The following KCNN3 variants were observed in gnomAD, a reference collection of about 807,000 sequenced individuals.
KCNN3 encodes small conductance calcium-activated potassium channel protein 3.
Under a neutral mutation model 62.9 loss-of-function variants are expected in KCNN3, and 16 were observed. The ratio of observed to expected loss-of-function variants is 0.25; its 90% CI spans 0.17 to 0.39. The LOEUF (loss-of-function observed/expected upper bound fraction) is 0.39, where lower values mean the gene tolerates loss of function less well. KCNN3 is among the 10% of genes least tolerant of loss of function. KCNN3 has a pLI of 1.00. For missense variants in KCNN3, 599 were observed against 949.4 expected, an observed-to-expected ratio of 0.63 and a Z score of 4.85; for synonymous variants, 370 against 389.2, an observed-to-expected ratio of 0.95 and a Z score of 0.58.
Position 154,707,923 on chromosome 1 carries a change from T to G in KCNN3, c.*53A>C. 2 of 1,565,116 alleles carry G rather than the reference T, an allele frequency of 1.3e-6. No individual in the cohort carries two copies. Among genetic ancestry groups the G allele is most frequent in the Non-Finnish European group, 1.7e-6 (2 of 1,148,142 alleles). ...TGATGGCAAAGCGACCAGGAGAGAG[T>G]TGATTTGCATCTTAAGACCTATGGG... is the stretch of plus-strand genomic sequence containing the variant. On this transcript the variant is annotated 3_prime_UTR_variant, in exon 8 of 8. Transcript: ENST00000271915.
At chr1:154,767,477 A>T (rs1420554001) in intron 3 of KCNN3, among the ~76,000 whole-genome samples, 1 of 152,214 alleles carries the variant, frequency 6.6e-6, no homozygotes, top group Non-Finnish European at 1.5e-5. Flanking sequence ...CATCAATGTT[A>T]TGGGAGGCCT....
chr1:154,761,328 C>T (rs755983767), intron 3 of KCNN3, among the ~76,000 whole-genome samples: 3 of 152,138 alleles, frequency 2.0e-5, no homozygotes, highest in Non-Finnish European at 4.4e-5. Context: ...ATTAGCCGGG[C>T]ATGGTGGCGC....
At chr1:154,811,327 G>T (rs1365506705) in intron 2 of KCNN3, among the ~76,000 whole-genome samples, 1 of 152,124 alleles carries the variant, frequency 6.6e-6, no homozygotes, top group Non-Finnish European at 1.5e-5. Flanking sequence ...TTCTGGAGAT[G>T]GATGGTGGTG....
intron 1 of KCNN3, among the ~76,000 whole-genome samples, chr1:154,857,272 C>T (rs74116207): frequency 0.01 from 1,552 of 152,338 alleles, 24 homozygotes; most frequent in African/African-American, 0.033. Flanking sequence ...AGCCGAGAAG[C>T]CACAGAGCTG....
At chr1:154,713,561 C>A in intron 6 of KCNN3, 28 bp from the exon 7 acceptor site, 1 of 1,588,846 alleles carries the variant, frequency 6.3e-7, no homozygotes, top group Non-Finnish European at 8.6e-7. Flanking sequence ...AACAGGCAAG[C>A]CCTTCAAGTC....
chr1:154,822,220 C>G, intron 1 of KCNN3, 36 bp from the exon 2 acceptor site: 1 of 1,458,426 alleles, frequency 6.9e-7, no homozygotes, highest in South Asian at 1.1e-5. Flanking sequence ...TTAGGGAGTG[C>G]GGGGAAAGGA....
intron 3 of KCNN3, among the ~76,000 whole-genome samples, chr1:154,750,272 G>A (rs2101812692): frequency 6.6e-6 from 1 of 152,364 alleles, no homozygotes; most frequent in Admixed American, 6.5e-5. Flanking sequence ...GCGGCTGGAA[G>A]GGAAGGCTCC....
intron 3 of KCNN3, among the ~76,000 whole-genome samples, chr1:154,744,545 A>C (rs774685587): frequency 1.3e-4 from 20 of 152,208 alleles, no homozygotes; most frequent in Non-Finnish European, 2.4e-4. Flanking sequence ...GATGGCCGGG[A>C]GGCTCTGTAT....
chr1:154,814,902 G>A (rs1435589619), intron 2 of KCNN3, among the ~76,000 whole-genome samples: 1 of 152,206 alleles, frequency 6.6e-6, no homozygotes, highest in Non-Finnish European at 1.5e-5. Flanking sequence ...ACCAGTCGCT[G>A]TTCTCTGGAA....
intron 1 of KCNN3, among the ~76,000 whole-genome samples, chr1:154,828,640 C>T (rs1369946016): frequency 6.6e-6 from 1 of 152,220 alleles, no homozygotes; most frequent in Non-Finnish European, 1.5e-5. Context: ...TCTCTGCAAA[C>T]AAGAACTACC....
chr1:154,715,037 G>T, intron 5 of KCNN3, 34 bp from the exon 6 acceptor site: 1 of 1,612,456 alleles, frequency 6.2e-7, no homozygotes, highest in South Asian at 1.1e-5. Context: ...GCTGCTATCA[G>T]GTTCATTTTC....
intron 5 of KCNN3, among the ~76,000 whole-genome samples, chr1:154,718,193 T>G (rs1458964654): frequency 3.3e-5 from 5 of 152,180 alleles, no homozygotes; most frequent in African/African-American, 9.7e-5. Context: ...GAGGACCCTT[T>G]GTGAATGGAA....
chr1:154,868,162 G>T lies in KCNN3; in HGVS notation c.933+870C>A, dbSNP rs1376472053. ...TGGGGCTGAGCTGGGGCGCGGGCTTGTGGGGACCGCCTGGGAAGCCCTGTC... is the reference window on the plus strand; with the variant it reads ...TGGGGCTGAGCTGGGGCGCGGGCTTTTGGGGACCGCCTGGGAAGCCCTGTC... On this transcript the variant is annotated intron_variant, in intron 1 of 7. Coordinates refer to ENST00000271915, the MANE Select transcript of KCNN3 (RefSeq NM_002249.6). The T allele has an allele frequency of 9.1e-6, 9 of 985,468 alleles. No individual in the cohort carries two copies. The African/African-American group carries it at 1.6e-4, about 17-fold the overall frequency. 61.0% of individuals were successfully genotyped at this position (985,468 alleles called of 1,614,324 possible). A position where few individuals can be genotyped will look rare whatever the true frequency, so the allele number is the denominator to read the frequency against.
At chr1:154,855,896 G>T (rs1652500674) in intron 1 of KCNN3, among the ~76,000 whole-genome samples, 1 of 152,126 alleles carries the variant, frequency 6.6e-6, no homozygotes, top group Non-Finnish European at 1.5e-5. Context: ...AGGGTCATTG[G>T]GGAAACTGAG....
intron 1 of KCNN3, among the ~76,000 whole-genome samples, chr1:154,826,055 AC>A (rs373464098): frequency 1.5e-5 from 1 of 68,000 alleles, no homozygotes; most frequent in African/African-American, 9.8e-5. Flanking sequence ...TTAAAAAAAA[AC>A]AAAAACAAAA....
rs1160974408 is a variant in KCNN3 at position 154,707,507 on chromosome 1, A to G, written c.*469T>C. The stretch of plus-strand genomic sequence containing the variant: ...GCTCTCTTTTACTTTTGTCACCCAG[A>G]GGCTTCCGTAGACAAAAGGAAAGGA... On this transcript the variant is annotated 3_prime_UTR_variant, in exon 8 of 8. Coordinates refer to ENST00000271915, the MANE Select transcript of KCNN3 (RefSeq NM_002249.6). 1 of 150,872 alleles carries G rather than the reference A, an allele frequency of 6.6e-6. No homozygotes were observed. Among genetic ancestry groups the G allele is most frequent in the African/African-American group, 2.5e-5 (1 of 40,544 alleles). The allele number at this position is 150,872 out of a possible 1,614,324, so 9.3% of individuals were successfully genotyped here.
chr1:154,733,918 G>T (rs1230162281), intron 3 of KCNN3, among the ~76,000 whole-genome samples: 2 of 152,332 alleles, frequency 1.3e-5, no homozygotes, highest in African/African-American at 4.8e-5. Flanking sequence ...CTGCCCTCAG[G>T]GACCCAGCCC....
intron 3 of KCNN3, among the ~76,000 whole-genome samples, chr1:154,756,611 T>C (rs952195757): frequency 1.9e-4 from 29 of 151,922 alleles, no homozygotes; most frequent in Non-Finnish European, 1.3e-4. Context: ...GAAGGGCTCA[T>C]TTCCTCTCAT....
intron 2 of KCNN3, among the ~76,000 whole-genome samples, chr1:154,802,977 C>T (rs1237106884): frequency 2.0e-5 from 3 of 152,212 alleles, no homozygotes; most frequent in African/African-American, 4.8e-5. Context: ...GCCCTTTTCA[C>T]GCCGTGCATG....
Sources: allele counts gnomAD v4.1 joint callset (sites outside exome capture counted in the v4.1 genomes callset), GRCh38; gene constraint gnomAD v4.1.1; transcripts MANE v1.5; gene names NCBI Gene and HGNC (gene_info 2026-07-23, HGNC 2026-07-21).